SYNGR1: variants seen among roughly 807,000 people sequenced by gnomAD.
SYNGR1 encodes synaptogyrin 1.
A neutral mutation model predicts 26.1 loss-of-function variants in SYNGR1; 14 were observed. That is an observed-to-expected ratio of 0.54 (90% CI 0.35 to 0.84). The LOEUF is 0.84. Among genes scored for constraint, SYNGR1 ranks in the 40% least tolerant of loss-of-function variants. The pLI is 0.01. For missense variants in SYNGR1, 319 were observed against 332.9 expected (o/e 0.96, Z 0.33); for synonymous variants, 141 against 150.1 (o/e 0.94, Z 0.44).
chr22:39,380,681 C>T (rs574059615), intron 3 of SYNGR1, among the ~76,000 whole-genome samples: 2 of 130,900 alleles, frequency 1.5e-5, no homozygotes, highest in East Asian at 4.7e-4. Context: ...AGTGCAGTGG[C>T]GCTGTCTCAG....
At chr22:39,352,376 G>C (rs767367450) in intron 1 of SYNGR1, among the ~76,000 whole-genome samples, 1 of 152,160 alleles carries the variant, frequency 6.6e-6, no homozygotes, top group Non-Finnish European at 1.5e-5. Context: ...CCAATTATTG[G>C]AAAGTATAAA....
chr22:39,382,270 C>T lies in SYNGR1; in HGVS notation c.*356C>T. On this transcript the variant is annotated 3_prime_UTR_variant, in exon 4 of 4. Coordinates refer to ENST00000328933, the MANE Select transcript of SYNGR1 (RefSeq NM_004711.5). ...GGCCACTGGAAAGGGGAGCGATGAG[C>T]TGTGGAGGAAGCCCTGGTGGTACCA... 2.5e-6 allele frequency: 1 copy of T among 392,432 alleles called. No individual in the cohort carries two copies. The allele number at this position is 392,432 out of a possible 1,614,324, so 24.3% of individuals were successfully genotyped here.
Position 39,378,840 on chromosome 22 carries a change from C to T in SYNGR1, c.483+2643C>T, listed in dbSNP as rs529381892. ...CGGGGGCCCAGGCCTCTCCTTTGCT[C>T]CTGTCTTGTGGCCCCTTAAACTGGT... On this transcript the variant is annotated intron_variant, in intron 3 of 3. Transcript: ENST00000328933. Among the ~76,000 whole-genome samples, 58 of 152,366 alleles carry T rather than the reference C, an allele frequency of 3.8e-4. 2 individuals carry two copies. The South Asian group carries it at 0.011, about 29-fold the overall frequency.
At chr22:39,365,884 G>A (rs747646017) in intron 1 of SYNGR1, among the ~76,000 whole-genome samples, 44 of 150,328 alleles carry the variant, frequency 2.9e-4, no homozygotes, top group Non-Finnish European at 5.5e-4. Flanking sequence ...TTTTAATAGA[G>A]ACAGGATTTC....
At chr22:39,358,151 G>C (rs1235221157) in intron 1 of SYNGR1, among the ~76,000 whole-genome samples, 1 of 152,272 alleles carries the variant, frequency 6.6e-6, no homozygotes, top group African/African-American at 2.4e-5. Flanking sequence ...CTCAAGGTTT[G>C]TGAGTGCACC....
chr22:39,384,322 T>G lies in SYNGR1; in HGVS notation c.*2408T>G. The G allele has an allele frequency of 2.5e-6, 1 of 393,998 alleles. No homozygotes were observed. The highest frequency in any genetic ancestry group is 3.6e-5 in the East Asian group (1 of 27,950). 24.4% of individuals were successfully genotyped at this position (393,998 alleles called of 1,614,324 possible). A position where few individuals can be genotyped will look rare whatever the true frequency, so the allele number is the denominator to read the frequency against. ...TAAGCTTAACTCCATCTTGGGTGTTTGTGACAGGCCCTGCCTGCCACCCTA... is the reference window on the plus strand; with the variant it reads ...TAAGCTTAACTCCATCTTGGGTGTTGGTGACAGGCCCTGCCTGCCACCCTA... On this transcript the variant is annotated 3_prime_UTR_variant, in exon 4 of 4. Transcript: ENST00000328933.
chr22:39,371,920 T>C (rs1925039821), intron 1 of SYNGR1, among the ~76,000 whole-genome samples: 1 of 152,212 alleles, frequency 6.6e-6, no homozygotes, highest in Non-Finnish European at 1.5e-5. Flanking sequence ...TGGTGCAGGA[T>C]GTATTGGCAA....
At chr22:39,357,029 G>A (rs551097542) in intron 1 of SYNGR1, among the ~76,000 whole-genome samples, 1 of 152,152 alleles carries the variant, frequency 6.6e-6, no homozygotes, top group African/African-American at 2.4e-5. Context: ...AGGCCAAGGT[G>A]GTTGACTCAC....
intron 2 of SYNGR1, chr22:39,374,918 G>A (rs1405038379): frequency 1.1e-5 from 4 of 354,676 alleles, no homozygotes; most frequent in African/African-American, 2.1e-5. Flanking sequence ...AAGCAAGGCG[G>A]TGACTGGGTG....
rs192340875 is a variant in SYNGR1, at chr22:39,364,746, G to A, written c.100-9570G>A. 1.2e-3 allele frequency among the ~76,000 whole-genome samples: 188 copies of A among 152,296 alleles called. 1 individual carries two copies. The highest frequency in any genetic ancestry group is 4.4e-3 in the African/African-American group (182 of 41,564). On this transcript the variant is annotated intron_variant, in intron 1 of 3. Coordinates refer to ENST00000328933, the MANE Select transcript of SYNGR1 (RefSeq NM_004711.5). ...CTGTGGTGGCTGCATAGGGTGGGGA[G>A]GGGGACAGATGAGATCAGGGTAGGC...
intron 1 of SYNGR1, among the ~76,000 whole-genome samples, chr22:39,354,235 C>T (rs1924045411): frequency 6.6e-6 from 1 of 152,208 alleles, no homozygotes; most frequent in South Asian, 2.1e-4. Context: ...TTTCAGGGTT[C>T]ATTTTTTAAG....
chr22:39,380,995 C>G (rs1248557822), intron 3 of SYNGR1, among the ~76,000 whole-genome samples: 1 of 152,002 alleles, frequency 6.6e-6, no homozygotes, highest in Non-Finnish European at 1.5e-5. Flanking sequence ...TCAACATAGT[C>G]AATATGCCAG....
At chr22:39,378,059 G>C (rs78587104) in intron 3 of SYNGR1, 73 of 1,187,096 alleles carry the variant, frequency 6.1e-5, no homozygotes, top group Non-Finnish European at 7.5e-5. Flanking sequence ...TACATGGGCT[G>C]CCTAGAGGCG....
At chr22:39,365,515 CT>C (rs1924699210) in intron 1 of SYNGR1, among the ~76,000 whole-genome samples, 1 of 152,190 alleles carries the variant, frequency 6.6e-6, no homozygotes, top group Non-Finnish European at 1.5e-5. Flanking sequence ...CTCCCATGTA[CT>C]GTGAGTGGCT....
chr22:39,367,772 G>A (rs568995889), intron 1 of SYNGR1, among the ~76,000 whole-genome samples: 1 of 149,180 alleles, frequency 6.7e-6, no homozygotes, highest in Non-Finnish European at 1.5e-5. Flanking sequence ...GCAGTGAGCC[G>A]AGGTCACACC....
At chr22:39,377,698 C>T (rs372038845) in intron 3 of SYNGR1, 20 of 1,612,930 alleles carry the variant, frequency 1.2e-5, no homozygotes, top group African/African-American at 5.3e-5. Context: ...TAGGCCTCCC[C>T]GGCTTGCAGA....
At position 39,356,408 on chromosome 22, in the gene SYNGR1, C is replaced by A. The variant is rs1924146614; in HGVS notation, c.99+6299C>A. On this transcript the variant is annotated intron_variant, in intron 1 of 3. Transcript: ENST00000328933. ...AGTCTGCTGTGGTGCGTTTTGTTAT[C>A]CCCTCCTTAGATGAAAAGCTGAGGC... is the stretch of plus-strand genomic sequence containing the variant. Among the ~76,000 whole-genome samples, 3 of 152,130 alleles carry A rather than the reference C, an allele frequency of 2.0e-5. No individual in the cohort carries two copies. In the South Asian group the frequency reaches 6.2e-4, roughly 31 times the overall value.
rs771813199 is a variant in SYNGR1 at position 39,350,036 on chromosome 22, G to A, written c.26G>A (p.Gly9Asp). 2.9e-6 allele frequency: 4 copies of A among 1,403,466 alleles called. No homozygotes were observed. The highest frequency in any genetic ancestry group is 1.4e-5 in the South Asian group (1 of 70,952). 86.9% of individuals were successfully genotyped at this position (1,403,466 alleles called of 1,614,324 possible). MEGGAYGA[G>D]KAGGAFDPYT... The stretch of plus-strand genomic sequence containing the variant: ...ATGGAAGGGGGTGCGTACGGAGCGG[G>A]CAAAGCCGGGGGCGCCTTCGACCCC... The change falls in exon 1 of 4, where the codon GGC becomes GAC. Residue 9 changes from glycine (G) to aspartate (D), a missense_variant. Gly to Asp is a moderately conservative substitution (Grantham distance 94). Coordinates refer to ENST00000328933, the MANE Select transcript of SYNGR1 (RefSeq NM_004711.5). The surrounding 1 kb of genome is among the most constrained non-coding windows in gnomAD (Gnocchi z 4.3).
chr22:39,379,926 A>G (rs1418433053), intron 3 of SYNGR1: 3 of 152,250 alleles, frequency 2.0e-5, no homozygotes, highest in African/African-American at 7.2e-5. Context: ...TCTGGAGAGT[A>G]TCAGCACATT....
Sources: allele counts gnomAD v4.1 joint callset (sites outside exome capture counted in the v4.1 genomes callset), GRCh38; gene constraint gnomAD v4.1.1; non-coding constraint Gnocchi (gnomAD v3.1); transcripts MANE v1.5; gene names NCBI Gene and HGNC (gene_info 2026-07-23, HGNC 2026-07-21).